Variants in CAPRIN1 observed in about 807,000 individuals in gnomAD.
CAPRIN1 encodes caprin-1.
Under a neutral mutation model 100.9 loss-of-function variants are expected in CAPRIN1, and 29 were observed. The ratio of observed to expected loss-of-function variants is 0.29; its 90% CI spans 0.21 to 0.39. The LOEUF (loss-of-function observed/expected upper bound fraction) is 0.39. Ranked by LOEUF, CAPRIN1 falls within the 10% of genes least tolerant of loss-of-function variation. The pLI is 1.00. For synonymous variants in CAPRIN1, 338 were observed against 307.5 expected, an observed-to-expected ratio of 1.10 and a Z score of -1.04; for missense variants, 795 against 876.7, an observed-to-expected ratio of 0.91 and a Z score of 1.18.
At chr11:34,059,528 A>G (rs892513405) in intron 2 of CAPRIN1, among the ~76,000 whole-genome samples, 1 of 152,198 alleles carries the variant, frequency 6.6e-6, no homozygotes, top group Non-Finnish European at 1.5e-5. Flanking sequence ...TCGGCGTCCA[A>G]AACTTCTTGA....
chr11:34,070,314 G>T (rs968499550), intron 2 of CAPRIN1, among the ~76,000 whole-genome samples: 1 of 152,210 alleles, frequency 6.6e-6, no homozygotes, highest in African/African-American at 2.4e-5. Flanking sequence ...TATTAGTGAG[G>T]TGGTAGCTAT....
At chr11:34,053,804 G>C (rs186449713) in intron 2 of CAPRIN1, 1 of 152,304 alleles carries the variant, frequency 6.6e-6, no homozygotes, top group African/African-American at 2.4e-5. Flanking sequence ...AAATGAGTAA[G>C]ATCAGAGGTG....
rs973729059 is a variant in CAPRIN1 at position 34,096,615 on chromosome 11, C to T, written c.1842C>T (p.Gly614=). 2.5e-6 allele frequency: 4 copies of T among 1,613,420 alleles called. No individual in the cohort carries two copies. The highest frequency in any genetic ancestry group is 3.4e-6 in the Non-Finnish European group (4 of 1,179,532). Reference sequence around the variant, plus strand: ...ATAGTCGTGGTGTGTCTCGTGGAGGCTCCCGTGGTGCTAGAGGCTTGATGA... The same window carrying T: ...ATAGTCGTGGTGTGTCTCGTGGAGGTTCCCGTGGTGCTAGAGGCTTGATGA... ...YYNSRGVSRG[G]SRGARGLMNG... Residue 614 remains glycine (G), a synonymous_variant, in exon 16 of 19, where the codon GGC becomes GGT. Transcript: ENST00000341394.
At chr11:34,098,522 C>T in intron 18 of CAPRIN1, 1 of 985,312 alleles carries the variant, frequency 1.0e-6, no homozygotes, top group Non-Finnish European at 1.2e-6. Context: ...AACAGGTTTC[C>T]TCTATTGGCC....
At chr11:34,052,388 C>T (rs758108959) in intron 1 of CAPRIN1, 33 bp from the exon 2 acceptor site, 8 of 1,575,280 alleles carry the variant, frequency 5.1e-6, no homozygotes, top group African/African-American at 1.4e-5. Flanking sequence ...GTCCTTCCTC[C>T]CGCTTTTTCT....
intron 11 of CAPRIN1, among the ~76,000 whole-genome samples, chr11:34,087,017 A>G (rs950636630): frequency 6.6e-6 from 1 of 152,196 alleles, no homozygotes. Context: ...GAGAAACCAC[A>G]AGACAGTTTC....
In CAPRIN1 at chr11:34,101,564, T is replaced by A. The variant is rs1027011572; in HGVS notation, c.*2197T>A. On this transcript the variant is annotated 3_prime_UTR_variant, in exon 19 of 19. Transcript: ENST00000341394. ...TAAAGGTGTTCATAGTTTGACTGTT[T>A]CTATGTATGTTTTTTCAAAGAATTG... Among the ~76,000 whole-genome samples the A allele has an allele frequency of 4.6e-5, 7 of 152,198 alleles. No homozygotes were observed. The highest frequency in any genetic ancestry group is 8.8e-5 in the Non-Finnish European group (6 of 68,020).
chr11:34,052,761 C>G (rs577339278), intron 2 of CAPRIN1, 125 bp downstream of exon 2: 2 of 1,412,660 alleles, frequency 1.4e-6, no homozygotes, highest in Non-Finnish European at 1.9e-6. Context: ...CTCCTCCCAC[C>G]CCCTGGCCCA....
intron 15 of CAPRIN1, among the ~76,000 whole-genome samples, chr11:34,093,283 CTG>C (rs1214418218): frequency 6.6e-6 from 1 of 151,410 alleles, no homozygotes; most frequent in African/African-American, 2.4e-5. Context: ...GCCTTTAACT[CTG>C]GGGCTCAAAT....
At chr11:34,097,378 A>T in intron 17 of CAPRIN1, 82 bp downstream of exon 17, 1 of 1,171,048 alleles carries the variant, frequency 8.5e-7, no homozygotes, top group Non-Finnish European at 1.3e-6. Context: ...AATGAACCTA[A>T]GTAACTAATT....
intron 2 of CAPRIN1, among the ~76,000 whole-genome samples, chr11:34,058,783 A>G (rs1022716123): frequency 5.9e-5 from 9 of 152,196 alleles, no homozygotes; most frequent in African/African-American, 2.2e-4. Context: ...CTTTATGTTT[A>G]GCTTCCTATG....
chr11:34,068,821 C>T (rs1225468117), intron 2 of CAPRIN1, among the ~76,000 whole-genome samples: 1 of 152,126 alleles, frequency 6.6e-6, no homozygotes, highest in East Asian at 1.9e-4. Flanking sequence ...ATTTTCATCG[C>T]TACACAAACA....
rs1433347297 is a variant in CAPRIN1 at position 34,100,226 on chromosome 11, C to T, written c.*859C>T. On this transcript the variant is annotated 3_prime_UTR_variant, in exon 19 of 19. Coordinates refer to ENST00000341394, the MANE Select transcript of CAPRIN1 (RefSeq NM_005898.5). ...GACATGTACATTGTCTGTCACTAAT[C>T]CTTGGATTTTGCTGTATTGTCACCT... 6.6e-6 allele frequency: 1 copy of T among 152,132 alleles called. No homozygotes were observed. Among genetic ancestry groups the T allele is most frequent in the African/African-American group, 2.4e-5 (1 of 41,424 alleles). 9.4% of individuals were successfully genotyped at this position (152,132 alleles called of 1,614,324 possible).
rs759922105 is a variant in CAPRIN1, at chr11:34,076,543, C to A, written c.606-17C>A. ...TGACAACTGAAAGGTTATTAATTAG[C>A]TATTTACTATTAAAAGGTTGAATGA... On this transcript the variant is annotated splice_polypyrimidine_tract_variant and intron_variant, in intron 5 of 18. Transcript: ENST00000341394. 1 of 1,608,426 alleles carries A rather than the reference C, an allele frequency of 6.2e-7. No individual in the cohort carries two copies. The highest frequency in any genetic ancestry group is 8.5e-7 in the Non-Finnish European group (1 of 1,175,066).
intron 7 of CAPRIN1, 138 bp from the exon 8 acceptor site, chr11:34,082,687 T>A (rs982879088): frequency 5.6e-5 from 36 of 648,404 alleles, no homozygotes; most frequent in African/African-American, 5.1e-4. Context: ...AGTTTACATA[T>A]GGGTTTACTC....
In CAPRIN1 at chr11:34,079,669, A is replaced by G. The variant is rs984269865; in HGVS notation, c.730A>G (p.Asn244Asp). 2.5e-6 allele frequency: 4 copies of G among 1,614,038 alleles called. No individual in the cohort carries two copies. Among genetic ancestry groups the G allele is most frequent in the Non-Finnish European group, 2.5e-6 (3 of 1,179,948 alleles). ...KEIVERVFQS[N>D]YFDSTHNHQN... is the part of the protein sequence containing the mutation. Reference sequence around the variant, plus strand: ...AATTGTTGAGCGTGTTTTTCAGTCAAACTACTTTGACAGCACCCACAACCA... The same window carrying G: ...AATTGTTGAGCGTGTTTTTCAGTCAGACTACTTTGACAGCACCCACAACCA... Residue 244 changes from asparagine (N) to aspartate (D), a missense_variant, in exon 7 of 19, where the codon AAC becomes GAC. Physicochemically the swap from Asn to Asp is conservative, Grantham distance 23. Around this residue, in one of 3 missense-constraint regions of CAPRIN1, gnomAD observed 648 missense variants for 697.9 expected, o/e 0.93. Coordinates refer to ENST00000341394, the MANE Select transcript of CAPRIN1 (RefSeq NM_005898.5).
At chr11:34,053,194 G>A (rs1850368239) in intron 2 of CAPRIN1, 4 of 979,876 alleles carry the variant, frequency 4.1e-6, no homozygotes, top group Non-Finnish European at 4.9e-6. Flanking sequence ...AGGTAGAACT[G>A]CCTTTCCGGC....
chr11:34,084,759 C>G (rs909485981), intron 9 of CAPRIN1, among the ~76,000 whole-genome samples: 6 of 152,172 alleles, frequency 3.9e-5, no homozygotes, highest in Middle Eastern at 3.4e-3. Context: ...GGATGTATAG[C>G]ATGGATGTAG....
At chr11:34,059,192 T>G (rs1850521228) in intron 2 of CAPRIN1, among the ~76,000 whole-genome samples, 1 of 152,160 alleles carries the variant, frequency 6.6e-6, no homozygotes, top group South Asian at 2.1e-4. Context: ...AGGGTGTGCT[T>G]CTTGACCATG....
Sources: allele counts gnomAD v4.1 joint callset (sites outside exome capture counted in the v4.1 genomes callset), GRCh38; gene constraint gnomAD v4.1.1; regional missense constraint gnomAD v4.1.1; transcripts MANE v1.5; gene names NCBI Gene and HGNC (gene_info 2026-07-23, HGNC 2026-07-21).